PDZRN3: variants seen among roughly 807,000 people sequenced by gnomAD.
PDZRN3 encodes the protein E3 ubiquitin-protein ligase PDZRN3.
In PDZRN3, 38 loss-of-function variants were observed where a neutral mutation model predicts 85.7. The observed-to-expected ratio is 0.44, with a 90% CI of 0.34 to 0.58. The LOEUF (loss-of-function observed/expected upper bound fraction) is 0.58. PDZRN3 is among the 20% of genes least tolerant of loss of function. The probability of loss-of-function intolerance (pLI) is 0.01; values close to 1 mark genes in which losing one functional copy is unlikely to be tolerated. For missense variants in PDZRN3, 1,629 were observed against 1,506.4 expected, an observed-to-expected ratio of 1.08 and a Z score of -1.35; for synonymous variants, 759 against 638.0, an observed-to-expected ratio of 1.19 and a Z score of -2.86.
At chr3:73,423,174 A>C (rs1292622622) in intron 3 of PDZRN3, among the ~76,000 whole-genome samples, 1 of 152,246 alleles carries the variant, frequency 6.6e-6, no homozygotes. Flanking sequence ...AAATATTGTT[A>C]TGAAGGATAG....
intron 3 of PDZRN3, among the ~76,000 whole-genome samples, chr3:73,436,432 G>A (rs1442227610): frequency 6.6e-6 from 1 of 152,180 alleles, no homozygotes; most frequent in Non-Finnish European, 1.5e-5. Flanking sequence ...AAAACAAAGT[G>A]TGCTTGGGTG....
intron 3 of PDZRN3, among the ~76,000 whole-genome samples, chr3:73,583,753 T>C (rs1361579524): frequency 1.3e-5 from 2 of 152,172 alleles, no homozygotes; most frequent in Non-Finnish European, 2.9e-5. Flanking sequence ...CAACTTATGA[T>C]AGCAAATAGC....
intron 3 of PDZRN3, among the ~76,000 whole-genome samples, chr3:73,432,244 C>T (rs761517768): frequency 6.6e-6 from 1 of 152,144 alleles, no homozygotes; most frequent in Non-Finnish European, 1.5e-5. Context: ...GACTACACCT[C>T]ACCACATGAT....
At chr3:73,514,586 C>T (rs930308069) in intron 3 of PDZRN3, among the ~76,000 whole-genome samples, 1 of 152,132 alleles carries the variant, frequency 6.6e-6, no homozygotes, top group Non-Finnish European at 1.5e-5. Flanking sequence ...GAAATTTCAA[C>T]CAATTGGTCT....
In PDZRN3 at chr3:73,624,315, C is replaced by G. The variant is rs1243985385; in HGVS notation, c.511G>C (p.Gly171Arg). 9 of 1,315,638 alleles carry G rather than the reference C, an allele frequency of 6.8e-6. No individual in the cohort carries two copies. Among genetic ancestry groups the G allele is most frequent in the Middle Eastern group, 2.8e-4 (1 of 3,514 alleles). 81.5% of individuals were successfully genotyped at this position (1,315,638 alleles called of 1,614,324 possible). A position where few individuals can be genotyped will look rare whatever the true frequency, so the allele number is the denominator to read the frequency against. The change falls in exon 1 of 10, where the codon GGC becomes CGC. Residue 171 changes from glycine to arginine, a missense_variant. By Grantham distance (125) the Gly-to-Arg change is moderately radical. Coordinates refer to ENST00000263666, the MANE Select transcript of PDZRN3 (RefSeq NM_015009.3). ...CCARALRAHN[G>R]ALQARLGALH... ...GCGCCCAGGCGGGCCTGGAGCGCGCCGTTGTGCGCCCGCAGCGCTCGCGCG... is the reference window on the plus strand; with the variant it reads ...GCGCCCAGGCGGGCCTGGAGCGCGCGGTTGTGCGCCCGCAGCGCTCGCGCG...
At chr3:73,532,768 C>T (rs1053516564) in intron 3 of PDZRN3, among the ~76,000 whole-genome samples, 3 of 152,304 alleles carry the variant, frequency 2.0e-5, no homozygotes, top group Admixed American at 6.5e-5. Context: ...AGAGGCATTA[C>T]AGATCTCCAT....
chr3:73,605,128 G>A (rs376553659), intron 2 of PDZRN3, among the ~76,000 whole-genome samples: 2 of 151,854 alleles, frequency 1.3e-5, no homozygotes, highest in South Asian at 2.1e-4. Context: ...GATGGCTTGA[G>A]CCTGGGAGGC....
chr3:73,489,575 C>CTTTTTTTTTCT (rs1553694905), intron 3 of PDZRN3, among the ~76,000 whole-genome samples: 2 of 80,096 alleles, frequency 2.5e-5, no homozygotes, highest in Non-Finnish European at 4.5e-5. Context: ...AGTTTCTTTT[C>CTTTTTTTTTCT]TTTTTTTTTT....
At chr3:73,483,278 T>C (rs1308469014) in intron 3 of PDZRN3, among the ~76,000 whole-genome samples, 1 of 152,200 alleles carries the variant, frequency 6.6e-6, no homozygotes, top group Non-Finnish European at 1.5e-5. Flanking sequence ...AACTTGCTTT[T>C]TCCCCATTTG....
At chr3:73,524,571 A>C (rs748845910) in intron 3 of PDZRN3, among the ~76,000 whole-genome samples, 3 of 152,228 alleles carry the variant, frequency 2.0e-5, no homozygotes, top group Non-Finnish European at 4.4e-5. Flanking sequence ...CCTTTTTATT[A>C]AAAATGAAAG....
In PDZRN3 at chr3:73,624,845, G is replaced by C; in HGVS notation, c.-20C>G. The C allele has an allele frequency of 7.8e-7, 1 of 1,276,024 alleles. No individual in the cohort carries two copies. The highest frequency in any genetic ancestry group is 9.9e-7 in the Non-Finnish European group (1 of 1,013,714). 79.0% of individuals were successfully genotyped at this position (1,276,024 alleles called of 1,614,324 possible). A position where few individuals can be genotyped will look rare whatever the true frequency, so the allele number is the denominator to read the frequency against. ...GCCCATGGTGGCGGCCAGGCCCCGG[G>C]GTCGCCGCCGGGCGGCCGGGCGCCC... On this transcript the variant is annotated 5_prime_UTR_variant, in exon 1 of 10. Coordinates refer to ENST00000263666, the MANE Select transcript of PDZRN3 (RefSeq NM_015009.3).
chr3:73,390,897 C>A, intron 6 of PDZRN3, 121 bp downstream of exon 6: 1 of 675,466 alleles, frequency 1.5e-6, no homozygotes, highest in South Asian at 1.8e-5. Flanking sequence ...ATGAGGGGGA[C>A]AGAATAATTT....
At chr3:73,411,604 CCA>C (rs1328709301) in intron 3 of PDZRN3, among the ~76,000 whole-genome samples, 1,628 of 152,182 alleles carry the variant, frequency 0.011, 18 homozygotes, top group African/African-American at 0.037. Context: ...CGGGAGTCCA[CCA>C]TAGTGGCAGC....
chr3:73,468,913 T>C (rs757850715), intron 3 of PDZRN3, among the ~76,000 whole-genome samples: 1 of 152,126 alleles, frequency 6.6e-6, no homozygotes, highest in African/African-American at 2.4e-5. Context: ...GGAGCTACTA[T>C]GAGAATCAAA....
chr3:73,590,312 G>T (rs372968970), intron 3 of PDZRN3, among the ~76,000 whole-genome samples: 1 of 146,680 alleles, frequency 6.8e-6, no homozygotes, highest in South Asian at 2.2e-4. Context: ...AAGAAAAAAC[G>T]CAGATTAAAA....
At position 73,624,662 on chromosome 3, in the gene PDZRN3, C is replaced by T; in HGVS notation, c.164G>A (p.Arg55His). The T allele has an allele frequency of 6.6e-7, 1 of 1,526,542 alleles. No homozygotes were observed. The highest frequency in any genetic ancestry group is 8.8e-7 in the Non-Finnish European group (1 of 1,141,684). The allele number at this position is 1,526,542 out of a possible 1,614,324, so 94.6% of individuals were successfully genotyped here. The change falls in exon 1 of 10, where the codon CGC becomes CAC. Residue 55 changes from arginine (R) to histidine (H), a missense_variant. Physicochemically the swap from Arg to His is conservative, Grantham distance 29. Coordinates refer to ENST00000263666, the MANE Select transcript of PDZRN3 (RefSeq NM_015009.3). ...TTTGGCCGACAGGCGACCGCGGCAGCGCGCCGGGCAGCTGCCCTCCTGCAC... is the reference window on the plus strand; with the variant it reads ...TTTGGCCGACAGGCGACCGCGGCAGTGCGCCGGGCAGCTGCCCTCCTGCAC... ...WVVQEGSCPA[R>H]CRGRLSAKEL...
chr3:73,594,867 T>C (rs1446922953), intron 3 of PDZRN3, among the ~76,000 whole-genome samples: 1 of 152,104 alleles, frequency 6.6e-6, no homozygotes, highest in Non-Finnish European at 1.5e-5. Flanking sequence ...TTATTGAGAG[T>C]GCAGCTATGC....
intron 3 of PDZRN3, among the ~76,000 whole-genome samples, chr3:73,552,072 G>A (rs533654163): frequency 9.2e-5 from 14 of 152,256 alleles, no homozygotes; most frequent in African/African-American, 3.4e-4. Flanking sequence ...TTTAGGGTCA[G>A]CACTACAAAG....
intron 3 of PDZRN3, among the ~76,000 whole-genome samples, chr3:73,572,464 T>A (rs1025909443): frequency 1.3e-5 from 2 of 152,234 alleles, no homozygotes; most frequent in African/African-American, 4.8e-5. Context: ...ATTGGTTCCT[T>A]GGAGTGTATT....
Sources: gnomAD v4.1 joint callset for allele counts (sites outside exome capture counted in the v4.1 genomes callset) on GRCh38, gnomAD v4.1.1 for gene constraint, MANE v1.5 for transcripts, NCBI Gene and HGNC (gene_info 2026-07-23, HGNC 2026-07-21) for gene names.